Variants in MDGA2 observed in about 807,000 individuals in gnomAD.
MDGA2 encodes the protein MAM domain containing glycosylphosphatidylinositol anchor 2.
Under a neutral mutation model 117.8 loss-of-function variants are expected in MDGA2, and 40 were observed. That is an observed-to-expected ratio of 0.34 (90% CI 0.26 to 0.44). The LOEUF (loss-of-function observed/expected upper bound fraction) is 0.44. MDGA2 is among the 20% of genes least tolerant of loss of function. The pLI, the probability that MDGA2 is intolerant of heterozygous loss-of-function variation, is 1.00. For missense variants in MDGA2, 1,123 were observed against 1,250.6 expected, an observed-to-expected ratio of 0.90 and a Z score of 1.54; for synonymous variants, 452 against 439.0, an observed-to-expected ratio of 1.03 and a Z score of -0.37.
chr14:47,039,353 C>A lies in MDGA2; in HGVS notation c.1526-4049G>T, dbSNP rs149741759. 8.7e-4 allele frequency among the ~76,000 whole-genome samples: 133 copies of A among 152,256 alleles called. 1 individual carries two copies. In the East Asian group the frequency reaches 0.011, roughly 12 times the overall value. On this transcript the variant is annotated intron_variant, in intron 7 of 16. Transcript: ENST00000399232. ...ACAGTATTATTTGTTTCACCATTTC[C>A]TCTTGTCCACCACTTCAAAACAGCC...
chr14:47,402,664 T>A (rs1224054672), intron 1 of MDGA2, among the ~76,000 whole-genome samples: 1 of 152,150 alleles, frequency 6.6e-6, no homozygotes, highest in Non-Finnish European at 1.5e-5. Context: ...TTTTTTAAAT[T>A]TTTGCATTTG....
chr14:47,403,707 C>T (rs1892203112), intron 1 of MDGA2, among the ~76,000 whole-genome samples: 1 of 152,132 alleles, frequency 6.6e-6, no homozygotes, highest in Admixed American at 6.5e-5. Context: ...TTTAGCTTTC[C>T]ATAATGATGG....
In MDGA2 at chr14:47,105,714, C is replaced by G. The variant is rs1880621954; in HGVS notation, c.926-8591G>C. On this transcript the variant is annotated intron_variant, in intron 5 of 16. Transcript: ENST00000399232. Reference sequence around the variant, plus strand: ...TTACACATCAGTCCCTTCCTAATCTCTGTGACCAGTGCAACTCGTCCCAAA... The same window carrying G: ...TTACACATCAGTCCCTTCCTAATCTGTGTGACCAGTGCAACTCGTCCCAAA... 3.4e-5 allele frequency among the ~76,000 whole-genome samples: 5 copies of G among 149,138 alleles called. No homozygotes were observed. The South Asian group carries it at 1.1e-3, about 32-fold the overall frequency.
chr14:46,939,025 A>C (rs1386527052), intron 9 of MDGA2, among the ~76,000 whole-genome samples: 2 of 152,200 alleles, frequency 1.3e-5, no homozygotes, highest in Non-Finnish European at 2.9e-5. Flanking sequence ...GAAGTTGAAC[A>C]TTTCATGATC....
intron 1 of MDGA2, among the ~76,000 whole-genome samples, chr14:47,429,471 T>C (rs554943858): frequency 2.0e-5 from 3 of 152,258 alleles, no homozygotes; most frequent in Non-Finnish European, 1.5e-5. Context: ...AGACTTTCTG[T>C]CTTTTCCATG....
chr14:47,664,915 G>T (rs925638254), intron 1 of MDGA2, among the ~76,000 whole-genome samples: 1 of 152,082 alleles, frequency 6.6e-6, no homozygotes, highest in Non-Finnish European at 1.5e-5. Context: ...AGTTAGCTTC[G>T]CACATTTAAC....
At chr14:47,251,066 C>A (rs1190139386) in intron 2 of MDGA2, among the ~76,000 whole-genome samples, 1 of 152,208 alleles carries the variant, frequency 6.6e-6, no homozygotes, top group Non-Finnish European at 1.5e-5. Context: ...TCAAAGTACA[C>A]TAATTATATC....
At chr14:47,476,596 A>C (rs1893845412) in intron 1 of MDGA2, among the ~76,000 whole-genome samples, 1 of 152,132 alleles carries the variant, frequency 6.6e-6, no homozygotes, top group Admixed American at 6.6e-5. Context: ...ATTTTATATA[A>C]ATTTGTGCCT....
At chr14:47,440,246 T>A (rs1566457633) in intron 1 of MDGA2, among the ~76,000 whole-genome samples, 1 of 152,146 alleles carries the variant, frequency 6.6e-6, no homozygotes, top group Non-Finnish European at 1.5e-5. Context: ...AGTACACATT[T>A]GGGGCAGACC....
chr14:47,171,990 T>C (rs1418240368), intron 3 of MDGA2, among the ~76,000 whole-genome samples: 5 of 151,918 alleles, frequency 3.3e-5, no homozygotes, highest in South Asian at 4.1e-4. Context: ...CACCAGGAGA[T>C]TATATCCCGC....
intron 1 of MDGA2, among the ~76,000 whole-genome samples, chr14:47,476,498 CA>C: frequency 6.7e-6 from 1 of 150,130 alleles, no homozygotes; most frequent in East Asian, 2.0e-4. Flanking sequence ...AATTTGATCT[CA>C]AAAGTATTTA....
At position 47,097,090 on chromosome 14, in the gene MDGA2, G is replaced by T; in HGVS notation, c.959C>A (p.Pro320His). 6.2e-7 allele frequency: 1 copy of T among 1,612,962 alleles called. No homozygotes were observed. Among genetic ancestry groups the T allele is most frequent in the South Asian group, 1.1e-5 (1 of 91,034 alleles). Residue 320 changes from proline (P) to histidine (H), a missense_variant, in exon 6 of 17, where the codon CCT becomes CAT. Coordinates refer to ENST00000399232, the MANE Select transcript of MDGA2 (RefSeq NM_001113498.3). The part of the protein sequence containing the change: ...SPSIKLLVDD[P>H]IVVNPGEAIT... ...GGCCTCTCCAGGATTTACAACTATA[G>T]GATCATCCACCAAGAGTTTAATTGA...
intron 8 of MDGA2, among the ~76,000 whole-genome samples, chr14:46,992,891 C>G (rs1594504600): frequency 6.6e-6 from 1 of 152,198 alleles, no homozygotes; most frequent in East Asian, 1.9e-4. Flanking sequence ...AGCAATATGC[C>G]TCGACTAAAC....
intron 10 of MDGA2, among the ~76,000 whole-genome samples, chr14:46,899,453 G>A (rs910707068): frequency 2.0e-5 from 3 of 152,018 alleles, no homozygotes; most frequent in Non-Finnish European, 4.4e-5. Context: ...TTAGAAAGAA[G>A]TTACGATTTG....
chr14:47,380,099 G>T (rs1002410421), intron 1 of MDGA2, among the ~76,000 whole-genome samples: 1 of 152,108 alleles, frequency 6.6e-6, no homozygotes, highest in African/African-American at 2.4e-5. Flanking sequence ...CATGGAAACT[G>T]AACAACCTAC....
intron 1 of MDGA2, among the ~76,000 whole-genome samples, chr14:47,603,686 T>C (rs1343827540): frequency 2.0e-5 from 3 of 152,050 alleles, no homozygotes; most frequent in African/African-American, 4.8e-5. Context: ...TTCCTTCTCC[T>C]ACCCAGCACC....
chr14:47,633,167 T>C (rs1011568790), intron 1 of MDGA2, among the ~76,000 whole-genome samples: 6 of 150,470 alleles, frequency 4.0e-5, no homozygotes, highest in Non-Finnish European at 8.8e-5. Flanking sequence ...GCTCCTGTCA[T>C]TGTTCCCATT....
At chr14:46,976,767 T>A (rs1886476546) in intron 8 of MDGA2, among the ~76,000 whole-genome samples, 1 of 151,914 alleles carries the variant, frequency 6.6e-6, no homozygotes, top group Admixed American at 6.6e-5. Context: ...TTCTCATATT[T>A]TTCTAAAAGT....
chr14:47,158,617 G>A (rs1029844682), intron 3 of MDGA2, among the ~76,000 whole-genome samples: 1 of 151,790 alleles, frequency 6.6e-6, no homozygotes, highest in African/African-American at 2.4e-5. Context: ...CAGCTGCCTG[G>A]CTAATTTTTG....
Sources: gnomAD v4.1 joint callset for allele counts (sites outside exome capture counted in the v4.1 genomes callset) on GRCh38, gnomAD v4.1.1 for gene constraint, MANE v1.5 for transcripts, NCBI Gene and HGNC (gene_info 2026-07-23, HGNC 2026-07-21) for gene names.